IL20RA: variants seen among roughly 807,000 people sequenced by gnomAD.
IL20RA encodes interleukin 20 receptor subunit alpha.
Under a neutral mutation model 36.5 loss-of-function variants are expected in IL20RA, and 29 were observed. The observed-to-expected ratio is 0.79, with a 90% CI of 0.59 to 1.08. The LOEUF is 1.08. IL20RA is among the 50% of genes least tolerant of loss of function. IL20RA has a pLI of 0.00. For missense variants in IL20RA, 652 were observed against 668.4 expected, an observed-to-expected ratio of 0.98 and a Z score of 0.27; for synonymous variants, 279 against 267.1, an observed-to-expected ratio of 1.04 and a Z score of -0.43.
At chr6:137,023,227 T>TGG (rs1775968635) in intron 1 of IL20RA, among the ~76,000 whole-genome samples, 2 of 151,430 alleles carry the variant, frequency 1.3e-5, no homozygotes, top group African/African-American at 2.4e-5. Flanking sequence ...ACAGAACCCA[T>TGG]AAATACACAG....
intron 5 of IL20RA, among the ~76,000 whole-genome samples, chr6:137,007,612 G>GA (rs1275731913): frequency 6.6e-6 from 1 of 152,198 alleles, no homozygotes; most frequent in Non-Finnish European, 1.5e-5. Context: ...TGTGAAGGCA[G>GA]AAAAATTAAA....
intron 1 of IL20RA, among the ~76,000 whole-genome samples, chr6:137,029,928 AT>A (rs1389717515): frequency 2.4e-4 from 20 of 83,582 alleles, no homozygotes; most frequent in Non-Finnish European, 5.3e-4. Flanking sequence ...CAAGAAAAAA[AT>A]AATAGAAAAG....
intron 3 of IL20RA, among the ~76,000 whole-genome samples, chr6:137,010,304 A>G (rs1775440790): frequency 1.3e-5 from 2 of 152,244 alleles, no homozygotes; most frequent in Non-Finnish European, 2.9e-5. Context: ...GTATTGCGAA[A>G]GCAATCTAAG....
chr6:137,044,238 C>T (rs1033527020), intron 1 of IL20RA: 2 of 990,106 alleles, frequency 2.0e-6, no homozygotes, highest in Non-Finnish European at 2.4e-6. Flanking sequence ...GGGGCCCCTC[C>T]GCGCGGCCGC....
intron 1 of IL20RA, among the ~76,000 whole-genome samples, chr6:137,025,944 G>A (rs975509256): frequency 6.6e-6 from 1 of 152,190 alleles, no homozygotes; most frequent in Non-Finnish European, 1.5e-5. Context: ...CAGCCTCTGT[G>A]GTTAACCCAA....
intron 1 of IL20RA, among the ~76,000 whole-genome samples, chr6:137,025,284 A>C (rs1270470417): frequency 6.6e-6 from 1 of 152,156 alleles, no homozygotes; most frequent in Non-Finnish European, 1.5e-5. Context: ...GAGTGGGATT[A>C]GTGCCCTTAT....
chr6:137,026,885 T>G (rs1776106137), intron 1 of IL20RA, among the ~76,000 whole-genome samples: 1 of 152,118 alleles, frequency 6.6e-6, no homozygotes, highest in South Asian at 2.1e-4. Flanking sequence ...AAAGTAAGTC[T>G]TCTTTTTTTT....
At chr6:137,040,807 A>T (rs1000805898) in intron 1 of IL20RA, among the ~76,000 whole-genome samples, 3 of 152,236 alleles carry the variant, frequency 2.0e-5, no homozygotes, top group African/African-American at 7.2e-5. Context: ...AATCACTACT[A>T]GGTATAGTAG....
chr6:137,004,364 T>C (rs1385315132), intron 6 of IL20RA, among the ~76,000 whole-genome samples: 1 of 151,942 alleles, frequency 6.6e-6, no homozygotes, highest in Admixed American at 6.6e-5. Context: ...TTAGTAGAGA[T>C]GGGGTTTCAC....
At chr6:137,029,377 T>C (rs985705710) in intron 1 of IL20RA, among the ~76,000 whole-genome samples, 1 of 152,118 alleles carries the variant, frequency 6.6e-6, no homozygotes, top group African/African-American at 2.4e-5. Context: ...CATGGTGGTA[T>C]GTGACTGTAG....
intron 1 of IL20RA, among the ~76,000 whole-genome samples, chr6:137,041,577 T>C (rs1037834388): frequency 1.3e-5 from 2 of 152,154 alleles, no homozygotes; most frequent in African/African-American, 2.4e-5. Context: ...GAGTGAAGTA[T>C]GTCCTGGAAT....
intron 5 of IL20RA, among the ~76,000 whole-genome samples, chr6:137,008,395 T>C (rs1368688136): frequency 6.6e-6 from 1 of 152,188 alleles, no homozygotes; most frequent in African/African-American, 2.4e-5. Context: ...TCTCCGAGGG[T>C]GTGAGAACAC....
Position 137,009,109 on chromosome 6 carries a change from A to G in IL20RA, c.579+208T>C. On this transcript the variant is annotated intron_variant, in intron 4 of 6. Coordinates refer to ENST00000316649, the MANE Select transcript of IL20RA (RefSeq NM_014432.4). ...CTCTCTACACTCCAATAACAACACC[A>G]TATCCTGTCAACAGAGTTTCTGTAA... 6.5e-6 allele frequency: 4 copies of G among 617,760 alleles called. No individual in the cohort carries two copies. The South Asian group carries it at 8.0e-5, about 12-fold the overall frequency. The allele number at this position is 617,760 out of a possible 1,614,324, so 38.3% of individuals were successfully genotyped here.
chr6:137,008,755 A>T lies in IL20RA; in HGVS notation c.580-12T>A, dbSNP rs775587754. 7.7e-6 allele frequency: 12 copies of T among 1,568,060 alleles called. No homozygotes were observed. The South Asian group carries it at 1.5e-4, about 19-fold the overall frequency. On this transcript the variant is annotated splice_polypyrimidine_tract_variant and intron_variant, in intron 4 of 6. Coordinates refer to ENST00000316649, the MANE Select transcript of IL20RA (RefSeq NM_014432.4). The stretch of plus-strand genomic sequence containing the variant: ...ACACACTGGGACCACTAGGATAGGG[A>T]ATTGCAAACATTGGTTAGAGCCAGA...
In IL20RA at chr6:137,044,690, C is replaced by A; in HGVS notation, c.39G>T (p.Pro13=). 2 of 1,224,144 alleles carry A rather than the reference C, an allele frequency of 1.6e-6. No individual in the cohort carries two copies. The highest frequency in any genetic ancestry group is 2.0e-6 in the Non-Finnish European group (2 of 983,474). The allele number at this position is 1,224,144 out of a possible 1,614,324, so 75.8% of individuals were successfully genotyped here. ...GGAGCAACAGCAGCAGCGGCGGCAG[C>A]GGCAGCGGCCGCAGGGCCGGGCGGC... The part of the protein sequence containing the change: ...APGRPALRPL[P]LPPLLLLLLA... Residue 13 remains proline, a synonymous_variant, in exon 1 of 7, where the codon CCG becomes CCT. Transcript: ENST00000316649.
chr6:137,007,042 A>C (rs1444740950), intron 5 of IL20RA, among the ~76,000 whole-genome samples: 1 of 152,142 alleles, frequency 6.6e-6, no homozygotes, highest in Non-Finnish European at 1.5e-5. Flanking sequence ...CATATTAGTG[A>C]GAAAGTGGGC....
chr6:137,037,312 A>C (rs1457497407), intron 1 of IL20RA, among the ~76,000 whole-genome samples: 2 of 152,192 alleles, frequency 1.3e-5, no homozygotes, highest in Non-Finnish European at 2.9e-5. Context: ...AAACAGACCC[A>C]ATTTCGTATA....
At chr6:137,034,931 C>T (rs1183208027) in intron 1 of IL20RA, among the ~76,000 whole-genome samples, 3 of 139,264 alleles carry the variant, frequency 2.2e-5, no homozygotes, top group African/African-American at 8.3e-5. Context: ...GGTGAAAGAG[C>T]GAGACTCCAT....
chr6:137,009,628 TG>T (rs1775407554), intron 3 of IL20RA, 136 bp from the exon 4 acceptor site: 1 of 580,144 alleles, frequency 1.7e-6, no homozygotes, highest in African/African-American at 2.4e-5. Context: ...TTTTTTGAGA[TG>T]GAGTCTTGCC....
Sources: allele counts gnomAD v4.1 joint callset (sites outside exome capture counted in the v4.1 genomes callset), GRCh38; gene constraint gnomAD v4.1.1; transcripts MANE v1.5; gene names NCBI Gene and HGNC (gene_info 2026-07-23, HGNC 2026-07-21).